Variants in SGK1 observed in about 807,000 individuals in gnomAD.
SGK1 encodes the protein serine/threonine-protein kinase Sgk1.
A neutral mutation model predicts 64.2 loss-of-function variants in SGK1; 26 were observed. That is an observed-to-expected ratio of 0.40 (90% CI 0.30 to 0.56). The LOEUF (loss-of-function observed/expected upper bound fraction) is 0.56, where lower values mean the gene tolerates loss of function less well. SGK1 is among the 20% of genes least tolerant of loss of function. SGK1 has a pLI of 0.38. For synonymous variants in SGK1, 265 were observed against 239.7 expected, an observed-to-expected ratio of 1.11 and a Z score of -0.98; for missense variants, 519 against 645.6, an observed-to-expected ratio of 0.80 and a Z score of 2.12.
intron 2 of SGK1, among the ~76,000 whole-genome samples, chr6:134,235,382 T>C (rs1226119919): frequency 6.6e-6 from 1 of 151,918 alleles, no homozygotes. Context: ...TACTGGAACA[T>C]AGTAAAGAAA....
intron 12 of SGK1, 48 bp from the exon 13 acceptor site, chr6:134,170,963 G>T (rs755318203): frequency 6.2e-7 from 1 of 1,607,560 alleles, no homozygotes; most frequent in Non-Finnish European, 8.5e-7. Flanking sequence ...CATTCAATAA[G>T]GGCAGGGAGG....
intron 3 of SGK1, among the ~76,000 whole-genome samples, chr6:134,193,835 A>AGAAGGGAGGAG (rs1775555588): frequency 3.6e-3 from 5 of 1,380 alleles, no homozygotes; most frequent in Admixed American, 0.013. Context: ...GAGGGGAGGG[A>AGAAGGGAGGAG]AGGGGAGGGG....
intron 1 of SGK1, among the ~76,000 whole-genome samples, chr6:134,276,361 C>T (rs561681582): frequency 1.2e-4 from 18 of 152,184 alleles, no homozygotes; most frequent in African/African-American, 4.3e-4. Flanking sequence ...GAAGTAGGAC[C>T]GGGCTGTGAT....
At chr6:134,236,678 C>A (rs1291585588) in intron 2 of SGK1, among the ~76,000 whole-genome samples, 1 of 152,132 alleles carries the variant, frequency 6.6e-6, no homozygotes, top group Non-Finnish European at 1.5e-5. Flanking sequence ...CACAGACCCA[C>A]ACACAACCAT....
intron 2 of SGK1, among the ~76,000 whole-genome samples, chr6:134,208,338 T>C (rs1325055110): frequency 6.6e-6 from 1 of 152,352 alleles, no homozygotes; most frequent in East Asian, 1.9e-4. Context: ...TTTTTAATGA[T>C]AAATAATATT....
intron 2 of SGK1, among the ~76,000 whole-genome samples, chr6:134,217,729 C>T (rs1776009370): frequency 6.6e-6 from 1 of 152,144 alleles, no homozygotes; most frequent in Admixed American, 6.5e-5. Flanking sequence ...TTGATCTCTG[C>T]AAGCTAATGA....
intron 5 of SGK1, 113 bp from the exon 6 acceptor site, chr6:134,173,679 T>C (rs1049975156): frequency 1.4e-6 from 1 of 713,974 alleles, no homozygotes. Context: ...CAAATGACCA[T>C]ACATCTATAA....
At chr6:134,176,614 C>G (rs935949117) in intron 3 of SGK1, among the ~76,000 whole-genome samples, 1 of 152,226 alleles carries the variant, frequency 6.6e-6, no homozygotes, top group African/African-American at 2.4e-5. Flanking sequence ...CTGTTGCTGT[C>G]TGCGGTGGCT....
chr6:134,250,666 TAGA>T (rs1776593519), intron 2 of SGK1, among the ~76,000 whole-genome samples: 1 of 152,226 alleles, frequency 6.6e-6, no homozygotes, highest in Non-Finnish European at 1.5e-5. Flanking sequence ...CCCTTTTCTG[TAGA>T]AGATTTGTAA....
chr6:134,248,317 C>T (rs1314224885), intron 2 of SGK1, among the ~76,000 whole-genome samples: 1 of 152,052 alleles, frequency 6.6e-6, no homozygotes, highest in Non-Finnish European at 1.5e-5. Flanking sequence ...CAAATCCAGT[C>T]TTTAATGCTA....
rs1437746689 is a variant in SGK1, at chr6:134,175,695, A to C, written c.362-1109T>G. The C allele has an allele frequency of 7.6e-6, 11 of 1,447,260 alleles. No individual in the cohort carries two copies. The Admixed American group carries it at 2.5e-4, about 33-fold the overall frequency. 89.7% of individuals were successfully genotyped at this position (1,447,260 alleles called of 1,614,324 possible). On this transcript the variant is annotated intron_variant, in intron 3 of 13. Transcript: ENST00000367858. Reference sequence around the variant, plus strand: ...GGCGGCGGGGCGCGCGGCAGACGAGAGCGACCGGCGAGCACTGACGTTTCC... The same window carrying C: ...GGCGGCGGGGCGCGCGGCAGACGAGCGCGACCGGCGAGCACTGACGTTTCC...
At chr6:134,177,709 C>G in intron 3 of SGK1, 1 of 1,613,900 alleles carries the variant, frequency 6.2e-7, no homozygotes, top group African/African-American at 1.3e-5. Flanking sequence ...TTCGGGTTGC[C>G]CAAGGATATG....
intron 2 of SGK1, among the ~76,000 whole-genome samples, chr6:134,212,342 C>G (rs1020897849): frequency 1.3e-5 from 2 of 152,100 alleles, no homozygotes; most frequent in Admixed American, 6.6e-5. Context: ...CGTGAGCCAC[C>G]GCGCCCGGTG....
At chr6:134,305,263 G>T (rs567822860) in intron 1 of SGK1, among the ~76,000 whole-genome samples, 2 of 149,196 alleles carry the variant, frequency 1.3e-5, no homozygotes, top group African/African-American at 5.0e-5. Context: ...GGAGGCTGAG[G>T]CACAAGAATC....
rs1319858242 is a variant in SGK1, at chr6:134,174,047, T to C, written c.471A>G (p.Gln157=). The change falls in exon 5 of 14, where the codon CAA becomes CAG. Residue 157 remains glutamine (Q), a synonymous_variant. Coordinates refer to ENST00000367858, the MANE Select transcript of SGK1 (RefSeq NM_001143676.3). The stretch of plus-strand genomic sequence containing the variant: ...CATTCATAAGCTCAGGCTCCTGAGG[T>C]TGGGAGATCTTCAAGATGGACTGAA... The part of the protein sequence containing the change: ...PEVQSILKIS[Q]PQEPELMNAN... 4.3e-6 allele frequency: 7 copies of C among 1,613,212 alleles called. No individual in the cohort carries two copies. The highest frequency in any genetic ancestry group is 2.7e-5 in the African/African-American group (2 of 74,866).
At chr6:134,235,939 T>C (rs1274606004) in intron 2 of SGK1, among the ~76,000 whole-genome samples, 1 of 152,042 alleles carries the variant, frequency 6.6e-6, no homozygotes, top group African/African-American at 2.4e-5. Flanking sequence ...TCTAATTAAC[T>C]AATTTTTTTT....
chr6:134,205,153 A>G (rs1272044307), intron 3 of SGK1, among the ~76,000 whole-genome samples: 4 of 152,058 alleles, frequency 2.6e-5, no homozygotes, highest in Non-Finnish European at 4.4e-5. Flanking sequence ...CATTTTCTTT[A>G]CATAACATCA....
intron 1 of SGK1, among the ~76,000 whole-genome samples, chr6:134,310,151 A>T (rs1249839399): frequency 6.6e-6 from 1 of 151,188 alleles, no homozygotes. Flanking sequence ...AATATGGGTG[A>T]GCTCAGAATA....
chr6:134,173,652 T>G (rs1397742385), intron 5 of SGK1, 86 bp from the exon 6 acceptor site: 2 of 889,812 alleles, frequency 2.2e-6, no homozygotes, highest in East Asian at 5.1e-5. Context: ...AAATGTTACA[T>G]CTACAAATGA....
Sources: gnomAD v4.1 joint callset for allele counts (sites outside exome capture counted in the v4.1 genomes callset) on GRCh38, gnomAD v4.1.1 for gene constraint, MANE v1.5 for transcripts, NCBI Gene and HGNC (gene_info 2026-07-23, HGNC 2026-07-21) for gene names.